GATAD2B: variants seen among roughly 807,000 people sequenced by gnomAD.
The protein encoded by GATAD2B is transcriptional repressor p66-beta.
GATAD2B carries 8 observed loss-of-function variants against 64.3 expected under a neutral mutation model. The ratio of observed to expected loss-of-function variants is 0.12; its 90% CI spans 0.07 to 0.22. GATAD2B has a LOEUF of 0.22. GATAD2B is among the 10% of genes least tolerant of loss of function. The pLI, the probability that GATAD2B is intolerant of heterozygous loss-of-function variation, is 1.00. For missense variants in GATAD2B, 453 were observed against 752.0 expected, an observed-to-expected ratio of 0.60 and a Z score of 4.65; for synonymous variants, 281 against 271.3, an observed-to-expected ratio of 1.04 and a Z score of -0.35.
chr1:153,826,027 G>A (rs557151386), intron 2 of GATAD2B, among the ~76,000 whole-genome samples: 7 of 145,748 alleles, frequency 4.8e-5, no homozygotes, highest in East Asian at 4.1e-4. Context: ...TTTTTCAGAC[G>A]AAGTCTCGCT....
chr1:153,866,538 G>C (rs550829468), intron 1 of GATAD2B, among the ~76,000 whole-genome samples: 3 of 152,260 alleles, frequency 2.0e-5, no homozygotes, highest in Admixed American at 2.0e-4. Flanking sequence ...ATGCAAACCA[G>C]ATGGCTGAGC....
At chr1:153,900,815 T>C (rs1265518592) in intron 1 of GATAD2B, among the ~76,000 whole-genome samples, 3 of 152,314 alleles carry the variant, frequency 2.0e-5, no homozygotes, top group South Asian at 4.1e-4. Flanking sequence ...AAAATGAGCA[T>C]AGTTATTTCC....
intron 2 of GATAD2B, among the ~76,000 whole-genome samples, chr1:153,822,969 G>C (rs534099156): frequency 2.0e-4 from 30 of 151,946 alleles, no homozygotes; most frequent in Non-Finnish European, 3.8e-4. Context: ...ATTTTTTGTA[G>C]AGAAGGGGTC....
chr1:153,845,941 A>ACC (rs1484843015), intron 1 of GATAD2B, among the ~76,000 whole-genome samples: 3 of 79,728 alleles, frequency 3.8e-5, no homozygotes, highest in African/African-American at 1.3e-4. Flanking sequence ...TCTATAAACT[A>ACC]CCGCCCCCCC....
At chr1:153,828,448 TCACACATA>T (rs1233006184) in intron 1 of GATAD2B, 100 bp from the exon 2 acceptor site, 18 of 669,698 alleles carry the variant, frequency 2.7e-5, no homozygotes, top group Non-Finnish European at 3.4e-5. Flanking sequence ...AATCTCTCTC[TCACACATA>T]CACACACACA....
intron 1 of GATAD2B, among the ~76,000 whole-genome samples, chr1:153,834,685 C>T (rs1557793051): frequency 6.6e-6 from 1 of 152,192 alleles, no homozygotes. Flanking sequence ...CCACCACGCC[C>T]GGCCTAAAAC....
At chr1:153,898,246 G>A (rs1269274557) in intron 1 of GATAD2B, among the ~76,000 whole-genome samples, 1 of 138,436 alleles carries the variant, frequency 7.2e-6, no homozygotes, top group East Asian at 2.2e-4. Flanking sequence ...GTTCAAGCCT[G>A]TAGTGAGCTA....
chr1:153,909,947 CA>C (rs34780134), intron 1 of GATAD2B, among the ~76,000 whole-genome samples: 164 of 101,084 alleles, frequency 1.6e-3, no homozygotes, highest in Middle Eastern at 5.6e-3. Flanking sequence ...GACTCCATCT[CA>C]AAAAAAAAAA....
chr1:153,892,163 CA>C (rs900308080), intron 1 of GATAD2B, among the ~76,000 whole-genome samples: 88 of 50,320 alleles, frequency 1.7e-3, no homozygotes, highest in African/African-American at 2.5e-3. Flanking sequence ...GACTCCGTCT[CA>C]AAAAAAAAAA....
chr1:153,920,743 C>A lies in GATAD2B; in HGVS notation c.-2+1990G>T, dbSNP rs1244172410. Among the ~76,000 whole-genome samples, 3 of 152,304 alleles carry A rather than the reference C, an allele frequency of 2.0e-5. No individual in the cohort carries two copies. In the East Asian group the frequency reaches 5.8e-4, roughly 29 times the overall value. On this transcript the variant is annotated intron_variant, in intron 1 of 10. Coordinates refer to ENST00000368655, the MANE Select transcript of GATAD2B (RefSeq NM_020699.4). Reference sequence around the variant, plus strand: ...CAAAAGTCTGTAAGCCTCACCTCTACTCAAACTGGGTCACTCAGCCTATAG... The same window carrying A: ...CAAAAGTCTGTAAGCCTCACCTCTAATCAAACTGGGTCACTCAGCCTATAG...
intron 1 of GATAD2B, among the ~76,000 whole-genome samples, chr1:153,921,346 C>A (rs934277076): frequency 6.6e-6 from 1 of 152,208 alleles, no homozygotes; most frequent in Non-Finnish European, 1.5e-5. Flanking sequence ...TCACTTTGTA[C>A]AACCACATGC....
chr1:153,903,166 C>T (rs756596131), intron 1 of GATAD2B, among the ~76,000 whole-genome samples: 2 of 151,502 alleles, frequency 1.3e-5, no homozygotes, highest in South Asian at 2.1e-4. Flanking sequence ...TGCAGTGAAC[C>T]GAGATCGCTC....
intron 1 of GATAD2B, among the ~76,000 whole-genome samples, chr1:153,868,048 A>G (rs1249655696): frequency 6.6e-6 from 1 of 151,910 alleles, no homozygotes; most frequent in African/African-American, 2.4e-5. Context: ...AAAAAGTACA[A>G]AAATTAGCCA....
At chr1:153,828,974 GT>G (rs1417017727) in intron 1 of GATAD2B, among the ~76,000 whole-genome samples, 1 of 152,162 alleles carries the variant, frequency 6.6e-6, no homozygotes, top group Admixed American at 6.6e-5. Flanking sequence ...AGAGGCTGAG[GT>G]GGGAGGATGG....
intron 1 of GATAD2B, among the ~76,000 whole-genome samples, chr1:153,835,184 G>A (rs953802432): frequency 6.6e-6 from 1 of 152,038 alleles, no homozygotes; most frequent in Non-Finnish European, 1.5e-5. Context: ...CAAAGAAAGT[G>A]GTTTCTTGAG....
intron 1 of GATAD2B, among the ~76,000 whole-genome samples, chr1:153,833,330 A>G (rs1322609819): frequency 6.6e-6 from 1 of 152,184 alleles, no homozygotes; most frequent in Non-Finnish European, 1.5e-5. Context: ...TGAATATTTT[A>G]AGCTCATGGC....
chr1:153,885,998 G>A (rs1211644013), intron 1 of GATAD2B, among the ~76,000 whole-genome samples: 1 of 152,100 alleles, frequency 6.6e-6, no homozygotes, highest in Non-Finnish European at 1.5e-5. Context: ...TCCAGGCTTA[G>A]GCAACAGAGT....
intron 5 of GATAD2B, 49 bp downstream of exon 5, chr1:153,817,991 G>A (rs777004682): frequency 2.7e-6 from 4 of 1,508,352 alleles, no homozygotes; most frequent in Non-Finnish European, 3.6e-6. Context: ...AACAGAGACA[G>A]GATTAGACAC....
chr1:153,825,406 T>G (rs1328269640), intron 2 of GATAD2B, among the ~76,000 whole-genome samples: 2 of 152,038 alleles, frequency 1.3e-5, no homozygotes, highest in African/African-American at 2.4e-5. Flanking sequence ...TCCTAAGAGG[T>G]TTTTTTGTGG....
Sources: gnomAD v4.1 joint callset for allele counts (sites outside exome capture counted in the v4.1 genomes callset) on GRCh38, gnomAD v4.1.1 for gene constraint, MANE v1.5 for transcripts, NCBI Gene and HGNC (gene_info 2026-07-23, HGNC 2026-07-21) for gene names.